DNAH11: variants seen among roughly 807,000 people sequenced by gnomAD.
DNAH11 encodes dynein axonemal heavy chain 11.
Under a neutral mutation model 526.0 loss-of-function variants are expected in DNAH11, and 442 were observed. The ratio of observed to expected loss-of-function variants is 0.84; its 90% confidence interval spans 0.78 to 0.91. The LOEUF (loss-of-function observed/expected upper bound fraction) is 0.91. Ranked by LOEUF, DNAH11 falls within the 40% of genes least tolerant of loss-of-function variation. DNAH11 has a pLI of 0.00. For missense variants in DNAH11, 6,989 were observed against 5,448.7 expected (o/e 1.28, Z -8.90); for synonymous variants, 2,461 against 1,935.9 (o/e 1.27, Z -7.12).
Position 21,899,369 on chromosome 7 carries a change from C to G in DNAH11, c.13083C>G (p.Leu4361=), listed in dbSNP as rs755777338. The G allele has an allele frequency of 1.9e-6, 3 of 1,613,980 alleles. No homozygotes were observed. Among genetic ancestry groups the G allele is most frequent in the Non-Finnish European group, 2.5e-6 (3 of 1,179,886 alleles). ...ACCTCCTCCTGCGATGCCGAGAACT[C>G]GATACTTGGACACAAGACCTTACCC... The part of the protein sequence containing the change: ...FNDLLLRCRE[L]DTWTQDLTLP... The change falls in exon 80 of 82, where the codon CTC becomes CTG. Residue 4361 remains leucine (L), a synonymous_variant. Transcript: ENST00000409508.
chr7:21,668,834 C>G (rs754858316), intron 30 of DNAH11, among the ~76,000 whole-genome samples: 4 of 152,106 alleles, frequency 2.6e-5, no homozygotes, highest in African/African-American at 7.2e-5. Context: ...ATTTTCATTT[C>G]TCCTGGGTAG....
At chr7:21,857,374 A>G (rs1422511405) in intron 68 of DNAH11, among the ~76,000 whole-genome samples, 1 of 152,218 alleles carries the variant, frequency 6.6e-6, no homozygotes, top group Admixed American at 6.5e-5. Context: ...AATATTGTTA[A>G]GATGTCAGTT....
Position 21,589,351 on chromosome 7 carries a change from T to G in DNAH11, c.2117T>G (p.Leu706Trp). 6.2e-7 allele frequency: 1 copy of G among 1,609,776 alleles called. No homozygotes were observed. The highest frequency in any genetic ancestry group is 8.5e-7 in the Non-Finnish European group (1 of 1,178,278). Residue 706 changes from leucine to tryptophan, a missense_variant, in exon 12 of 82, where the codon TTG (leucine) becomes TGG (tryptophan). By Grantham distance (61) the Leu-to-Trp change is moderately conservative (BLOSUM62 -2). Transcript: ENST00000409508. ...TGTGAATTCAATTTGAATCAACCCT[T>G]GGTTAAATTCAGTGCCATAAATGGT... ...EICEFNLNQP[L>W]VKFSAINGLL...
chr7:21,550,344 A>C (rs1365268479), intron 2 of DNAH11, among the ~76,000 whole-genome samples: 1 of 152,174 alleles, frequency 6.6e-6, no homozygotes, highest in Non-Finnish European at 1.5e-5. Context: ...GTGAAGTTTG[A>C]GTCAGAAGTC....
chr7:21,861,724 T>C, intron 68 of DNAH11, 129 bp from the exon 69 acceptor site: 1 of 811,562 alleles, frequency 1.2e-6, no homozygotes. Flanking sequence ...GAAACTATAA[T>C]CCTCCTAAAA....
intron 2 of DNAH11, among the ~76,000 whole-genome samples, chr7:21,546,559 T>C (rs995699681): frequency 6.6e-6 from 1 of 152,214 alleles, no homozygotes; most frequent in African/African-American, 2.4e-5. Flanking sequence ...ATTTCTCTAC[T>C]CTTTCTCTCA....
chr7:21,638,986 G>T lies in DNAH11; in HGVS notation c.4865G>T (p.Arg1622Leu), dbSNP rs866322294. 2 of 1,613,360 alleles carry T rather than the reference G, an allele frequency of 1.2e-6. No homozygotes were observed. Among genetic ancestry groups the T allele is most frequent in the Non-Finnish European group, 1.7e-6 (2 of 1,179,688 alleles). Residue 1622 changes from arginine to leucine, a missense_variant, in exon 28 of 82, where the codon CGC becomes CTC. Coordinates refer to ENST00000409508, the MANE Select transcript of DNAH11 (RefSeq NM_001277115.2). ...CTCGCTGAATACCTGGAAACCAAGCGCATAGCCTTTCCTCGCTTCTATTTC... is the reference window on the plus strand; with the variant it reads ...CTCGCTGAATACCTGGAAACCAAGCTCATAGCCTTTCCTCGCTTCTATTTC... Reference protein sequence around the residue: ...KALAEYLETKRIAFPRFYFVS... With the variant: ...KALAEYLETKLIAFPRFYFVS...
Position 21,543,336 on chromosome 7 carries a change from G to A in DNAH11, c.91G>A (p.Gly31Ser), listed in dbSNP as rs775754675. 1 of 1,551,062 alleles carries A rather than the reference G, an allele frequency of 6.4e-7. No homozygotes were observed. The highest frequency in any genetic ancestry group is 8.7e-7 in the Non-Finnish European group (1 of 1,146,760). The part of the protein sequence containing the change: ...LTSGAGLEAV[G>S]AVELEEEEEN... ...CTCGGGGGCCGGCCTGGAGGCAGTG[G>A]GCGCTGTGGAGCTCGAGGAGGAGGA... The change falls in exon 1 of 82, where the codon GGC becomes AGC. Residue 31 changes from glycine to serine, a missense_variant. Coordinates refer to ENST00000409508, the MANE Select transcript of DNAH11 (RefSeq NM_001277115.2).
At chr7:21,811,411 G>A (rs1041745602) in intron 63 of DNAH11, among the ~76,000 whole-genome samples, 7 of 151,534 alleles carry the variant, frequency 4.6e-5, no homozygotes, top group African/African-American at 7.3e-5. Flanking sequence ...AGCCGAGATC[G>A]CGCCACTGTA....
chr7:21,677,273 A>C (rs192752691), intron 30 of DNAH11, among the ~76,000 whole-genome samples: 41 of 150,420 alleles, frequency 2.7e-4, no homozygotes, highest in Admixed American at 1.7e-3. Context: ...CATTGACATC[A>C]TCATTCAAAC....
At chr7:21,709,953 AAT>A (rs1183900504) in intron 40 of DNAH11, among the ~76,000 whole-genome samples, 1 of 152,196 alleles carries the variant, frequency 6.6e-6, no homozygotes, top group Non-Finnish European at 1.5e-5. Flanking sequence ...GCAACTGTTA[AAT>A]ATGTCACATC....
Position 21,711,798 on chromosome 7 carries a change from C to A in DNAH11, c.6921C>A (p.Thr2307=), listed in dbSNP as rs764765425. 1.9e-5 allele frequency: 31 copies of A among 1,613,746 alleles called. No individual in the cohort carries two copies. The African/African-American group carries it at 2.3e-4, about 12-fold the overall frequency. ...LFEIHHLRSA[T]PATVSRAGIL... is the part of the protein sequence containing the mutation. ...AGATACATCACTTAAGGAGCGCAAC[C>A]CCGGCCACTGTTTCCAGAGCTGGTA... Residue 2307 remains threonine, a synonymous_variant, in exon 42 of 82, where the codon ACC becomes ACA. Transcript: ENST00000409508.
intron 43 of DNAH11, among the ~76,000 whole-genome samples, chr7:21,719,046 T>C (rs1295136678): frequency 2.0e-5 from 3 of 152,214 alleles, no homozygotes; most frequent in African/African-American, 7.2e-5. Context: ...CAAGTTCACT[T>C]GTGTATTTGT....
At position 21,600,808 on chromosome 7, in the gene DNAH11, C is replaced by G. The variant is rs377691013; in HGVS notation, c.3133C>G (p.Arg1045Gly). Reference sequence around the variant, plus strand: ...CCACACTTACCTCTGGGTGGATGATCGAGCTGAGTTTATGAAGCATTTTCT... The same window carrying G: ...CCACACTTACCTCTGGGTGGATGATGGAGCTGAGTTTATGAAGCATTTTCT... ...ETHTYLWVDD[R>G]AEFMKHFLLY... The change falls in exon 16 of 82, where the codon CGA (arginine) becomes GGA (glycine). Residue 1045 changes from arginine to glycine, a missense_variant. Physicochemically the swap from Arg to Gly is moderately radical, Grantham distance 125 (BLOSUM62 -2). Transcript: ENST00000409508. 9 of 1,613,728 alleles carry G rather than the reference C, an allele frequency of 5.6e-6. No homozygotes were observed. The highest frequency in any genetic ancestry group is 6.8e-6 in the Non-Finnish European group (8 of 1,179,850).
rs1784054904 is a variant in DNAH11 at position 21,884,614 on chromosome 7, GTGA to G, written c.12507+206_12507+208del. ...ATCTGCATTTTCACAAGTCTTCCAG[GTGA>G]TCTCTGTGTGTGCTAGAGAGTGCAC... On this transcript the variant is annotated intron_variant, in intron 76 of 81. Transcript: ENST00000409508. Among the ~76,000 whole-genome samples the G allele has an allele frequency of 2.6e-5, 4 of 152,126 alleles. No individual in the cohort carries two copies. In the South Asian group the frequency reaches 8.3e-4, roughly 32 times the overall value.
chr7:21,871,950 G>A (rs1057259450), intron 73 of DNAH11, among the ~76,000 whole-genome samples: 32 of 151,202 alleles, frequency 2.1e-4, no homozygotes, highest in African/African-American at 7.5e-4. Flanking sequence ...GTGAAACCCC[G>A]TCTCTACTAA....
chr7:21,709,139 C>A (rs1382322976), intron 40 of DNAH11, among the ~76,000 whole-genome samples: 1 of 152,152 alleles, frequency 6.6e-6, no homozygotes, highest in African/African-American at 2.4e-5. Flanking sequence ...ATGTTCACTG[C>A]AGCACTATTC....
intron 57 of DNAH11, among the ~76,000 whole-genome samples, chr7:21,780,124 A>G (rs1377938434): frequency 1.0e-5 from 1 of 97,502 alleles, no homozygotes; most frequent in Non-Finnish European, 2.2e-5. Flanking sequence ...CAGTTTTAAG[A>G]AATAAGATTA....
intron 44 of DNAH11, among the ~76,000 whole-genome samples, chr7:21,725,111 C>T (rs1012510413): frequency 1.3e-5 from 2 of 152,202 alleles, no homozygotes; most frequent in Non-Finnish European, 2.9e-5. Context: ...AAGCAAGCAC[C>T]TCCCAGTAAA....
Sources: gnomAD v4.1 joint callset for allele counts (sites outside exome capture counted in the v4.1 genomes callset) on GRCh38, gnomAD v4.1.1 for gene constraint, MANE v1.5 for transcripts, NCBI Gene and HGNC (gene_info 2026-07-23, HGNC 2026-07-21) for gene names.